The following ZNF738 variants were observed in gnomAD, a reference collection of about 807,000 sequenced individuals.
ZNF738 encodes protein ZNF738.
In ZNF738, 10 loss-of-function variants were observed where a neutral mutation model predicts 9.2. The ratio of observed to expected loss-of-function variants is 1.09; its 90% CI spans 0.67 to 1.85. The LOEUF is 1.85. ZNF738 is among the 40% of genes most tolerant of loss of function. The pLI is 0.00. For missense variants in ZNF738, 346 were observed against 283.6 expected, an observed-to-expected ratio of 1.22 and a Z score of -1.58; for synonymous variants, 113 against 94.5, an observed-to-expected ratio of 1.20 and a Z score of -1.14.
chr19:21,370,864 A>G (rs1462025965), intron 2 of ZNF738, among the ~76,000 whole-genome samples: 1 of 152,202 alleles, frequency 6.6e-6, no homozygotes, highest in Non-Finnish European at 1.5e-5. Flanking sequence ...TTTACAAGAC[A>G]GGGCCAGACT....
At chr19:21,373,768 GA>G (rs1266511122) in intron 2 of ZNF738, among the ~76,000 whole-genome samples, 1 of 142,768 alleles carries the variant, frequency 7.0e-6, no homozygotes, top group African/African-American at 2.6e-5. Context: ...GACAAAAGAG[GA>G]AAAATGGCTT....
intron 4 of ZNF738, chr19:21,378,677 C>T (rs550883928): frequency 1.6e-5 from 6 of 375,832 alleles, no homozygotes; most frequent in East Asian, 1.2e-4. Context: ...GGCGCGATTT[C>T]ACCTCGCTGT....
At chr19:21,371,665 T>C (rs1420681282) in intron 2 of ZNF738, among the ~76,000 whole-genome samples, 1 of 151,860 alleles carries the variant, frequency 6.6e-6, no homozygotes, top group African/African-American at 2.4e-5. Context: ...ATTATATGGT[T>C]GGTACAGTGA....
At chr19:21,376,066 A>G in intron 4 of ZNF738, 102 bp downstream of exon 4, 2 of 542,934 alleles carry the variant, frequency 3.7e-6, no homozygotes, top group Non-Finnish European at 6.7e-6. Flanking sequence ...CTGTGTTCCA[A>G]AGCAAATAGA....
rs1974047017 is a variant in ZNF738, at chr19:21,384,741, G to C, written c.*1067G>C. ...TAGACATAAGAGAGTTCATACTGGA[G>C]AGAAACCCTACAAATGTGAAGAATG... is the stretch of plus-strand genomic sequence containing the variant. On this transcript the variant is annotated 3_prime_UTR_variant, in exon 5 of 5. Coordinates refer to ENST00000683779, the MANE Select transcript of ZNF738 (RefSeq NM_001355237.2). Among the ~76,000 whole-genome samples the C allele has an allele frequency of 1.3e-5, 2 of 152,222 alleles. No individual in the cohort carries two copies. The highest frequency in any genetic ancestry group is 1.3e-4 in the Admixed American group (2 of 15,290).
chr19:21,373,664 G>C (rs528027056), intron 2 of ZNF738, among the ~76,000 whole-genome samples: 2 of 152,218 alleles, frequency 1.3e-5, no homozygotes, highest in South Asian at 4.1e-4. Flanking sequence ...AGACTAGCAG[G>C]TAAACAGGTG....
At chr19:21,363,297 A>G (rs1175695489) in intron 2 of ZNF738, among the ~76,000 whole-genome samples, 1 of 152,196 alleles carries the variant, frequency 6.6e-6, no homozygotes, top group East Asian at 1.9e-4. Context: ...TCTAACATGG[A>G]AATTAAAGCT....
rs985957231 is a variant in ZNF738 at position 21,386,386 on chromosome 19, CATAAG to C, written c.*2717_*2721del. On this transcript the variant is annotated 3_prime_UTR_variant, in exon 5 of 5. Transcript: ENST00000683779. ...TAATCAATCCTCAAACCTTACTAAA[CATAAG>C]ATAACTCATACTGGAGAAAAATCTT... The C allele has an allele frequency of 6.4e-6, 2 of 311,714 alleles. No homozygotes were observed. The highest frequency in any genetic ancestry group is 2.2e-5 in the African/African-American group (1 of 45,432). The allele number at this position is 311,714 out of a possible 1,614,324, so 19.3% of individuals were successfully genotyped here.
At chr19:21,378,045 A>G (rs1568370314) in intron 4 of ZNF738, 1 of 397,336 alleles carries the variant, frequency 2.5e-6, no homozygotes, top group Non-Finnish European at 4.4e-6. Flanking sequence ...GGGATTACAT[A>G]AAACCTTTAA....
intron 1 of ZNF738, among the ~76,000 whole-genome samples, chr19:21,361,348 C>T (rs918055177): frequency 2.6e-5 from 4 of 151,900 alleles, no homozygotes; most frequent in African/African-American, 9.7e-5. Flanking sequence ...CTATGTTGGT[C>T]AGGCTGGTCT....
intron 2 of ZNF738, among the ~76,000 whole-genome samples, chr19:21,363,005 G>T (rs1599710615): frequency 1.3e-5 from 2 of 152,198 alleles, no homozygotes; most frequent in East Asian, 3.9e-4. Flanking sequence ...GAATATCTCT[G>T]TTCAAATTCT....
chr19:21,377,814 A>G (rs1011267900), intron 4 of ZNF738: 1 of 363,060 alleles, frequency 2.8e-6, no homozygotes, highest in African/African-American at 2.1e-5. Flanking sequence ...ATAATTTTAA[A>G]TAAATTTCTT....
At chr19:21,361,438 A>G (rs1973691079) in intron 1 of ZNF738, among the ~76,000 whole-genome samples, 1 of 152,204 alleles carries the variant, frequency 6.6e-6, no homozygotes, top group Admixed American at 6.5e-5. Flanking sequence ...CCACACCCAG[A>G]CCAATGGTAC....
intron 2 of ZNF738, among the ~76,000 whole-genome samples, chr19:21,373,565 A>G (rs1973883748): frequency 6.6e-6 from 1 of 152,192 alleles, no homozygotes; most frequent in African/African-American, 2.4e-5. Flanking sequence ...TTCATTGAGC[A>G]GTTCATTGTT....
intron 2 of ZNF738, among the ~76,000 whole-genome samples, chr19:21,367,082 A>G (rs914100823): frequency 1.3e-5 from 2 of 152,214 alleles, no homozygotes; most frequent in Admixed American, 6.5e-5. Context: ...AAGGAAAGAG[A>G]GCACCATCTA....
chr19:21,360,452 GTTTGT>G (rs1207636826), intron 1 of ZNF738: 3 of 152,154 alleles, frequency 2.0e-5, no homozygotes, highest in East Asian at 1.9e-4. Context: ...GTGTTTTTTT[GTTTGT>G]TTTGTTTTGT....
chr19:21,372,926 T>C (rs1973874898), intron 2 of ZNF738: 1 of 152,206 alleles, frequency 6.6e-6, no homozygotes, highest in Non-Finnish European at 1.5e-5. Context: ...GCAAAGAATA[T>C]GAAACTTTAC....
Position 21,384,057 on chromosome 19 carries a change from A to G in ZNF738, c.*383A>G. 1 of 1,562,722 alleles carries G rather than the reference A, an allele frequency of 6.4e-7. No individual in the cohort carries two copies. Among genetic ancestry groups the G allele is most frequent in the Non-Finnish European group, 8.8e-7 (1 of 1,137,434 alleles). On this transcript the variant is annotated 3_prime_UTR_variant, in exon 5 of 5. Coordinates refer to ENST00000683779, the MANE Select transcript of ZNF738 (RefSeq NM_001355237.2). ...CATTTACCTTACTACACATAAGAGA[A>G]TTCACACTGGAGAGAAACCCTACAA...
At chr19:21,367,769 C>T (rs1973802248) in intron 2 of ZNF738, among the ~76,000 whole-genome samples, 1 of 152,176 alleles carries the variant, frequency 6.6e-6, no homozygotes, top group Non-Finnish European at 1.5e-5. Flanking sequence ...CCCACCCACT[C>T]ACAAACACAC....
Sources: allele counts gnomAD v4.1 joint callset (sites outside exome capture counted in the v4.1 genomes callset), GRCh38; gene constraint gnomAD v4.1.1; transcripts MANE v1.5; gene names NCBI Gene and HGNC (gene_info 2026-07-23, HGNC 2026-07-21).